The following FILIP1 variants were observed in gnomAD, a reference collection of about 807,000 sequenced individuals.
FILIP1 encodes the protein filamin A interacting protein 1.
FILIP1 carries 61 observed loss-of-function variants against 102.1 expected under a neutral mutation model. The observed-to-expected ratio is 0.60, with a 90% CI of 0.49 to 0.74. The LOEUF is 0.74. FILIP1 is among the 30% of genes least tolerant of loss of function. FILIP1 has a pLI of 0.00. For synonymous variants in FILIP1, 491 were observed against 526.9 expected (o/e 0.93, Z 0.93); for missense variants, 1,314 against 1,441.2 (o/e 0.91, Z 1.43).
intron 3 of FILIP1, among the ~76,000 whole-genome samples, chr6:75,354,570 C>CA (rs57366739): frequency 0.019 from 1,827 of 97,354 alleles, 33 homozygotes; most frequent in African/African-American, 0.058. Context: ...GACTCCATCT[C>CA]AAAAAAAAAA....
intron 4 of FILIP1, among the ~76,000 whole-genome samples, chr6:75,317,361 T>A (rs748339038): frequency 7.2e-5 from 11 of 152,154 alleles, no homozygotes; most frequent in Admixed American, 2.6e-4. Flanking sequence ...ACCAACCATA[T>A]AGAATTGTTG....
chr6:75,370,118 T>G (rs1328858085), intron 2 of FILIP1, among the ~76,000 whole-genome samples: 1 of 152,238 alleles, frequency 6.6e-6, no homozygotes, highest in African/African-American at 2.4e-5. Context: ...ATTATTTAAC[T>G]TCTTAAATAT....
At position 75,312,983 on chromosome 6, in the gene FILIP1, G is replaced by T; in HGVS notation, c.2849C>A (p.Pro950Gln). 1.9e-6 allele frequency: 3 copies of T among 1,614,008 alleles called. No individual in the cohort carries two copies. Among genetic ancestry groups the T allele is most frequent in the Non-Finnish European group, 2.5e-6 (3 of 1,179,980 alleles). Residue 950 changes from proline to glutamine, a missense_variant, in exon 5 of 6, where the codon CCA becomes CAA. By Grantham distance (76) the Pro-to-Gln change is moderately conservative. Around this residue, in one of 3 missense-constraint regions of FILIP1, gnomAD observed 816 missense variants for 913.1 expected, o/e 0.89. Coordinates refer to ENST00000237172, the MANE Select transcript of FILIP1 (RefSeq NM_015687.5). ...TGGTGATGGAATAATGGTTATTCTTGGTTTCTGATTCCCTAAGGTAGGAAT... is the reference window on the plus strand; with the variant it reads ...TGGTGATGGAATAATGGTTATTCTTTGTTTCTGATTCCCTAAGGTAGGAAT... Reference protein sequence around the residue: ...TVIPTLGNQKPRITIIPSPNV... With the variant: ...TVIPTLGNQKQRITIIPSPNV...
intron 4 of FILIP1, among the ~76,000 whole-genome samples, chr6:75,326,095 T>TAGATAGATAGATAGATAGATTAGA (rs1554200298): frequency 7.5e-4 from 108 of 144,822 alleles, no homozygotes; most frequent in African/African-American, 2.7e-3. Context: ...GATAGATAGA[T>TAGATAGATAGATAGATAGATTAGA]TAGATAGATA....
At chr6:75,319,846 AAG>A in intron 4 of FILIP1, 1 of 434,730 alleles carries the variant, frequency 2.3e-6, no homozygotes, top group Non-Finnish European at 4.1e-6. Flanking sequence ...AAAAAAAGAA[AAG>A]AAAAGAAAAC....
intron 6 of FILIP1, chr6:75,296,384 G>GTGTGT (rs1772676312): frequency 2.5e-5 from 3 of 118,810 alleles, no homozygotes; most frequent in African/African-American, 9.3e-5. Context: ...TGTGTGTGTG[G>GTGTGT]ATTAGAGTTT....
exon 7 of FILIP1, chr6:75,295,600 A>AG (rs994489488): frequency 1.4e-5 from 3 of 216,936 alleles, no homozygotes; most frequent in Non-Finnish European, 2.7e-5. Context: ...CACTTTAGCA[A>AG]AAAAAATCAC....
intron 1 of FILIP1, among the ~76,000 whole-genome samples, chr6:75,473,008 C>T (rs1779373824): frequency 6.6e-6 from 1 of 152,108 alleles, no homozygotes; most frequent in Non-Finnish European, 1.5e-5. Flanking sequence ...TATTTTTCTA[C>T]CTTTCTAATT....
intron 2 of FILIP1, among the ~76,000 whole-genome samples, chr6:75,370,712 G>A (rs1775491539): frequency 6.6e-6 from 1 of 151,588 alleles, no homozygotes; most frequent in South Asian, 2.1e-4. Flanking sequence ...CAGTAGCTGG[G>A]ATTACAGGCG....
chr6:75,418,998 C>T (rs1408871349), intron 1 of FILIP1, among the ~76,000 whole-genome samples: 1 of 152,004 alleles, frequency 6.6e-6, no homozygotes, highest in South Asian at 2.1e-4. Context: ...TCCCCCCCAC[C>T]CCCTGCAGCC....
At position 75,294,864 on chromosome 6, in the gene FILIP1, T is replaced by TC; in HGVS notation, c.*1045_*1046insG. The TC allele has an allele frequency of 8.6e-5, 8 of 93,302 alleles. 1 individual carries two copies. The highest frequency in any genetic ancestry group is 4.4e-4 in the African/African-American group (8 of 18,350). 5.8% of individuals were successfully genotyped at this position (93,302 alleles called of 1,614,324 possible). On this transcript the variant is annotated 3_prime_UTR_variant, in exon 7 of 7. Coordinates refer to the FILIP1 transcript ENST00000393004. The stretch of plus-strand genomic sequence containing the variant: ...CGTGCAATCAGGCCCAGCTAACTTC[T>TC]TTTTTTTTTTTTTTTTTTTTTTTTT...
At position 75,465,531 on chromosome 6, in the gene FILIP1, G is replaced by T. The variant is rs886432656; in HGVS notation, c.-7+27883C>A. The T allele has an allele frequency of 1.2e-5, 8 of 689,332 alleles. No individual in the cohort carries two copies. The African/African-American group carries it at 1.3e-4, about 11-fold the overall frequency. The allele number at this position is 689,332 out of a possible 1,614,324, so 42.7% of individuals were successfully genotyped here. A position where few individuals can be genotyped will look rare whatever the true frequency, so the allele number is the denominator to read the frequency against. On this transcript the variant is annotated intron_variant, in intron 1 of 5. Coordinates refer to ENST00000237172, the MANE Select transcript of FILIP1 (RefSeq NM_015687.5). ...GCCTAATAATGTCTAAAGAAAATAT[G>T]AAACTCCTTCAGCTGCCTGAAGGAC...
At position 75,472,308 on chromosome 6, in the gene FILIP1, G is replaced by C. The variant is rs186349766; in HGVS notation, c.-7+21106C>G. Among the ~76,000 whole-genome samples the C allele has an allele frequency of 2.0e-5, 3 of 152,058 alleles. No individual in the cohort carries two copies. In the East Asian group the frequency reaches 5.8e-4, roughly 29 times the overall value. ...CCACCCAGGGTGCTATGATATAAGT[G>C]CTCTTTAATTTCTAAAATGATTATT... is the stretch of plus-strand genomic sequence containing the variant. On this transcript the variant is annotated intron_variant, in intron 1 of 5. Transcript: ENST00000237172.
intron 1 of FILIP1, among the ~76,000 whole-genome samples, chr6:75,472,395 A>G (rs1328488673): frequency 6.6e-6 from 1 of 152,158 alleles, no homozygotes; most frequent in East Asian, 1.9e-4. Context: ...TTAATAGAAC[A>G]GTCTTCCTCA....
chr6:75,347,441 C>T lies in FILIP1; in HGVS notation c.629+6098G>A, dbSNP rs79015718. Among the ~76,000 whole-genome samples the T allele has an allele frequency of 5.0e-3, 756 of 152,326 alleles. 7 individuals are homozygous for T. Among genetic ancestry groups the T allele is most frequent in the Non-Finnish European group, 8.4e-3 (570 of 68,026 alleles). On this transcript the variant is annotated intron_variant, in intron 4 of 5. Coordinates refer to ENST00000237172, the MANE Select transcript of FILIP1 (RefSeq NM_015687.5). ...AGTTGTTTTCTGCTGTTATGTTCCACATATGGATTACTTTCTGCTTGTTAA... is the reference window on the plus strand; with the variant it reads ...AGTTGTTTTCTGCTGTTATGTTCCATATATGGATTACTTTCTGCTTGTTAA...
At chr6:75,464,589 T>C (rs767219524) in intron 1 of FILIP1, among the ~76,000 whole-genome samples, 1 of 152,214 alleles carries the variant, frequency 6.6e-6, no homozygotes, top group South Asian at 2.1e-4. Flanking sequence ...GCCAGCCAAT[T>C]CTACCTTCTG....
chr6:75,452,936 G>T lies in FILIP1; in HGVS notation c.-6-37958C>A, dbSNP rs374771266. Among the ~76,000 whole-genome samples, 16 of 152,280 alleles carry T rather than the reference G, an allele frequency of 1.1e-4. No individual in the cohort carries two copies. In the East Asian group the frequency reaches 2.9e-3, roughly 28 times the overall value. On this transcript the variant is annotated intron_variant, in intron 1 of 5. Transcript: ENST00000237172. The stretch of plus-strand genomic sequence containing the variant: ...ATTTTGATGAGACAAAAAGCCAGAT[G>T]GAAGAATAAAAGGAATGATCAAGAA...
Position 75,308,753 on chromosome 6 carries a change from T to A in FILIP1, c.3580A>T (p.Lys1194Ter), listed in dbSNP as rs1366096672. 4.3e-6 allele frequency: 7 copies of A among 1,613,888 alleles called. No individual in the cohort carries two copies. The highest frequency in any genetic ancestry group is 1.3e-5 in the African/African-American group (1 of 74,884). ...FEPRAETQSM[K>*]IELKKSAASS... ...GCTGCAGATTTCTTCAGCTCTATTT[T>A]CATAGACTGAGTCTCAGCTCGAGGC... Residue 1194 changes from lysine (K) to a stop codon, truncating the protein, a stop_gained, in exon 6 of 6, where the codon AAA becomes TAA. Transcript: ENST00000237172. LOFTEE classifies it high-confidence loss of function.
At chr6:75,356,398 G>T (rs925716629) in intron 3 of FILIP1, among the ~76,000 whole-genome samples, 24 of 152,194 alleles carry the variant, frequency 1.6e-4, no homozygotes, top group African/African-American at 5.8e-4. Context: ...CACGTTAATG[G>T]GTGGCTGATA....
Sources: allele counts gnomAD v4.1 joint callset (sites outside exome capture counted in the v4.1 genomes callset), GRCh38; gene constraint gnomAD v4.1.1; regional missense constraint gnomAD v4.1.1; transcripts MANE v1.5; gene names NCBI Gene and HGNC (gene_info 2026-07-23, HGNC 2026-07-21).